IGSF9B: variants seen among roughly 807,000 people sequenced by gnomAD.
The protein encoded by IGSF9B is protein turtle homolog B.
IGSF9B carries 48 observed loss-of-function variants against 143.7 expected under a neutral mutation model. The observed-to-expected ratio is 0.33, with a 90% CI of 0.26 to 0.42. The LOEUF (loss-of-function observed/expected upper bound fraction) is 0.42, where lower values mean the gene tolerates loss of function less well. Among genes scored for constraint, IGSF9B ranks in the 20% least tolerant of loss-of-function variants. IGSF9B has a pLI of 1.00. For missense variants in IGSF9B, 1,706 were observed against 1,980.0 expected (o/e 0.86, Z 2.63); for synonymous variants, 903 against 833.1 (o/e 1.08, Z -1.44).
rs570255238 is a variant in IGSF9B, at chr11:133,947,400, C to T, written c.65-1142G>A. The stretch of plus-strand genomic sequence containing the variant: ...CTACTGCCAGTTGACCACAGCTTTC[C>T]CCAGCCCCAGACCCTTCTGGTCCCA... On this transcript the variant is annotated intron_variant, in intron 1 of 19. Transcript: ENST00000533871. Among the ~76,000 whole-genome samples, 16 of 152,340 alleles carry T rather than the reference C, an allele frequency of 1.1e-4. No homozygotes were observed. In the South Asian group the frequency reaches 3.3e-3, roughly 32 times the overall value.
At chr11:133,918,633 C>T (rs1939442033) in intron 18 of IGSF9B, among the ~76,000 whole-genome samples, 1 of 151,796 alleles carries the variant, frequency 6.6e-6, no homozygotes, top group African/African-American at 2.4e-5. Flanking sequence ...GGGAGGTGAC[C>T]TTGGACTTCC....
Position 133,931,525 on chromosome 11 carries a change from C to T in IGSF9B, c.1296G>A (p.Gln432=). ...FTVLPGWEYR[Q]EAGRELLIPC... is the part of the protein sequence containing the mutation. ...GGATAAGTAGCTCCCGGCCGGCCTC[C>T]TGCCTGTACTCCCAGCCTGGTAGCA... The change falls in exon 10 of 20, where the codon CAG becomes CAA. Residue 432 remains glutamine, a synonymous_variant. Coordinates refer to ENST00000533871, the MANE Select transcript of IGSF9B (RefSeq NM_001277285.4). The surrounding 1 kb of genome is among the most constrained non-coding windows in gnomAD (Gnocchi z 7.7). 6.2e-7 allele frequency: 1 copy of T among 1,613,400 alleles called. No homozygotes were observed. The highest frequency in any genetic ancestry group is 1.7e-5 in the Admixed American group (1 of 60,012).
chr11:133,956,710 G>A lies in IGSF9B; in HGVS notation c.45C>T (p.Thr15=), dbSNP rs1459201639. ...ACTCACCTTCAGCCGCAAGCCCTCG[G>A]GTGCCGATCACACTTGCTATGAAAG... is the stretch of plus-strand genomic sequence containing the variant. The part of the protein sequence containing the change: ...VATFIASVIG[T]RGLAAEGAHG... Residue 15 remains threonine (T), a synonymous_variant, in exon 1 of 20, where the codon ACC becomes ACT. Coordinates refer to ENST00000533871, the MANE Select transcript of IGSF9B (RefSeq NM_001277285.4). 1 of 1,547,594 alleles carries A rather than the reference G, an allele frequency of 6.5e-7. No individual in the cohort carries two copies. The highest frequency in any genetic ancestry group is 8.7e-7 in the Non-Finnish European group (1 of 1,148,728).
In IGSF9B at chr11:133,901,992, T is replaced by TCA. The variant is rs774684363; in HGVS notation, c.*7075_*7076dup. On this transcript the variant is annotated 3_prime_UTR_variant, in exon 20 of 20. Transcript: ENST00000533871. ...ATCACACACATGCACACCAGACACATCACACACACACACACACCAGACATA... is the reference window on the plus strand; with the variant it reads ...ATCACACACATGCACACCAGACACATCACACACACACACACACACCAGACATA... Among the ~76,000 whole-genome samples the TCA allele has an allele frequency of 8.7e-3, 860 of 99,240 alleles. 5 individuals carry two copies. The highest frequency in any genetic ancestry group is 0.01 in the African/African-American group (225 of 21,676). The allele number at this position is 99,240 out of a possible 152,430, so 65.1% of individuals were successfully genotyped here. A position where few individuals can be genotyped will look rare whatever the true frequency, so the allele number is the denominator to read the frequency against.
intron 13 of IGSF9B, 28 bp from the exon 14 acceptor site, chr11:133,925,993 A>G (rs757297196): frequency 1.1e-5 from 17 of 1,503,788 alleles, no homozygotes; most frequent in Non-Finnish European, 1.5e-5. Context: ...GAAGAACCAC[A>G]GCGCATCAGC....
Position 133,903,724 on chromosome 11 carries a change from G to C in IGSF9B, c.*5345C>G, listed in dbSNP as rs1401930618. Among the ~76,000 whole-genome samples, 3 of 152,152 alleles carry C rather than the reference G, an allele frequency of 2.0e-5. No homozygotes were observed. The highest frequency in any genetic ancestry group is 4.4e-5 in the Non-Finnish European group (3 of 68,034). On this transcript the variant is annotated 3_prime_UTR_variant, in exon 20 of 20. Transcript: ENST00000533871. ...GGCAACCCAACACACAGAACATCTGGTGGGGTTATTATACTTGCTCCTGAA... is the reference window on the plus strand; with the variant it reads ...GGCAACCCAACACACAGAACATCTGCTGGGGTTATTATACTTGCTCCTGAA...
chr11:133,953,860 C>G lies in IGSF9B; in HGVS notation c.64+2831G>C, dbSNP rs1402068090. On this transcript the variant is annotated intron_variant, in intron 1 of 19. Coordinates refer to ENST00000533871, the MANE Select transcript of IGSF9B (RefSeq NM_001277285.4). This position sits in a 1 kb window ranked among gnomAD's most constrained non-coding sequence, Gnocchi z 4.2. The stretch of plus-strand genomic sequence containing the variant: ...TGTCTTCCAGGTTCTGGGTACCACT[C>G]CAGCCCCTCTCTTCTCCACACTTCC... Among the ~76,000 whole-genome samples, 1 of 152,166 alleles carries G rather than the reference C, an allele frequency of 6.6e-6. No homozygotes were observed. Among genetic ancestry groups the G allele is most frequent in the Non-Finnish European group, 1.5e-5 (1 of 68,032 alleles).
In IGSF9B at chr11:133,929,752, C is replaced by T. The variant is rs780048209; in HGVS notation, c.1550G>A (p.Arg517Gln). The change falls in exon 12 of 20, where the codon CGG becomes CAG. Residue 517 changes from arginine (R) to glutamine (Q), a missense_variant. By Grantham distance (43) the Arg-to-Gln change is conservative. This residue lies in a region of IGSF9B where 267 missense variants were observed against 321.1 expected (regional missense o/e 0.83). Coordinates refer to ENST00000533871, the MANE Select transcript of IGSF9B (RefSeq NM_001277285.4). ...GGCAGTTGTCATGGAGACCTGGACC[C>T]GGACACTGCCCGGGGCATGGGGGCT... Reference protein sequence around the residue: ...GTSPHAPGSVRVQVSMTTANV... With the variant: ...GTSPHAPGSVQVQVSMTTANV... The T allele has an allele frequency of 9.9e-6, 16 of 1,613,698 alleles. No homozygotes were observed. The highest frequency in any genetic ancestry group is 2.2e-5 in the South Asian group (2 of 91,076).
Position 133,945,336 on chromosome 11 carries a change from G to A in IGSF9B, c.262+725C>T, listed in dbSNP as rs1940026217. Among the ~76,000 whole-genome samples the A allele has an allele frequency of 6.6e-6, 1 of 152,228 alleles. No homozygotes were observed. Among genetic ancestry groups the A allele is most frequent in the African/African-American group, 2.4e-5 (1 of 41,464 alleles). The stretch of plus-strand genomic sequence containing the variant: ...TGGGCACAGGAGCGAAAGAGGGACA[G>A]AGACGGAAGCATTCTGAGAAAGGCA... On this transcript the variant is annotated intron_variant, in intron 2 of 19. Transcript: ENST00000533871. The surrounding 1 kb of genome is among the most constrained non-coding windows in gnomAD (Gnocchi z 4.6).
At chr11:133,916,909 G>A (rs1033897662) in intron 18 of IGSF9B, among the ~76,000 whole-genome samples, 2 of 152,112 alleles carry the variant, frequency 1.3e-5, no homozygotes, top group Admixed American at 6.5e-5. Flanking sequence ...GCTCATAAAC[G>A]CTGCCTGACA....
At chr11:133,932,254 C>T (rs1469231698) in intron 7 of IGSF9B, 41 bp from the exon 8 acceptor site, 3 of 1,492,182 alleles carry the variant, frequency 2.0e-6, no homozygotes, top group Non-Finnish European at 2.6e-6. Flanking sequence ...GACAGACAGA[C>T]ACAGGGACAG....
At chr11:133,930,926 C>T (rs530695182) in intron 11 of IGSF9B, 58 bp downstream of exon 11, 14 of 1,508,362 alleles carry the variant, frequency 9.3e-6, no homozygotes, top group South Asian at 5.2e-5. Flanking sequence ...TCCAGCACCC[C>T]GCCCCCAGCC....
chr11:133,955,194 T>TACAGGCAGACTGTCAAGC (rs1940228398), intron 1 of IGSF9B, among the ~76,000 whole-genome samples: 1 of 152,100 alleles, frequency 6.6e-6, no homozygotes, highest in Non-Finnish European at 1.5e-5. Flanking sequence ...AGGATGAGGC[T>TACAGGCAGACTGTCAAGC]ACAGGCAGAC....
chr11:133,924,125 G>C (rs1939585936), intron 15 of IGSF9B, among the ~76,000 whole-genome samples: 2 of 152,200 alleles, frequency 1.3e-5, no homozygotes, highest in South Asian at 4.1e-4. Context: ...CTGTCACCTG[G>C]TCCCAGGGGA....
In IGSF9B at chr11:133,935,820, C is replaced by CA. The variant is rs2121319182; in HGVS notation, c.822-59dup. The CA allele has an allele frequency of 3.2e-6, 5 of 1,577,798 alleles. 1 individual carries two copies. The South Asian group carries it at 5.8e-5, about 18-fold the overall frequency. ...GAGCAGAAGGGGATCTTGCCGCAGA[C>CA]ACACAGTCACCGTCACTGCCCCAGA... On this transcript the variant is annotated intron_variant, in intron 6 of 19. Transcript: ENST00000533871.
Position 133,922,727 on chromosome 11 carries a change from A to T in IGSF9B, c.2123T>A (p.Ile708Asn). The T allele has an allele frequency of 6.4e-7, 1 of 1,563,282 alleles. No homozygotes were observed. Among genetic ancestry groups the T allele is most frequent in the Non-Finnish European group, 8.6e-7 (1 of 1,156,938 alleles). ...SNIAGVSSTDIFPQPDLTEDG... is the reference protein window; with the variant it reads ...SNIAGVSSTDNFPQPDLTEDG... ...CTCGGTCAGGTCCGGCTGCGGGAAG[A>T]TGTCTGCAGGGAGGGTGGGGAGCAC... Residue 708 changes from isoleucine to asparagine, a missense_variant, in exon 16 of 20, where the codon ATC becomes AAC. Physicochemically the swap from Ile to Asn is moderately radical, Grantham distance 149. Around this residue, in one of 7 missense-constraint regions of IGSF9B, gnomAD observed 267 missense variants for 321.1 expected, o/e 0.83. Coordinates refer to ENST00000533871, the MANE Select transcript of IGSF9B (RefSeq NM_001277285.4).
chr11:133,940,306 G>A (rs1381463938), intron 3 of IGSF9B, among the ~76,000 whole-genome samples: 8 of 129,152 alleles, frequency 6.2e-5, no homozygotes, highest in South Asian at 2.6e-4. Context: ...CCTCGCACGC[G>A]TCATCGCACG....
Position 133,935,128 on chromosome 11 carries a change from G to A in IGSF9B, c.967+489C>T, listed in dbSNP as rs187698935. ...CCACCCAAGGGGAGAGGCCGCGGAC[G>A]CCAGAGGGAGCAGGCGCAGGAGCTG... On this transcript the variant is annotated intron_variant, in intron 7 of 19. Transcript: ENST00000533871. Among the ~76,000 whole-genome samples the A allele has an allele frequency of 5.7e-3, 864 of 152,268 alleles. 7 individuals are homozygous for A. The highest frequency in any genetic ancestry group is 0.019 in the African/African-American group (801 of 41,572).
chr11:133,945,130 T>C lies in IGSF9B; in HGVS notation c.263-764A>G, dbSNP rs1193200551. Among the ~76,000 whole-genome samples the C allele has an allele frequency of 6.6e-6, 1 of 152,128 alleles. No individual in the cohort carries two copies. Among genetic ancestry groups the C allele is most frequent in the Non-Finnish European group, 1.5e-5 (1 of 68,020 alleles). ...AGGAGGCCAGAGGTGCAGAAGCCTC[T>C]TCCATGACGCCAGCAGGGTGGAGCA... On this transcript the variant is annotated intron_variant, in intron 2 of 19. Coordinates refer to ENST00000533871, the MANE Select transcript of IGSF9B (RefSeq NM_001277285.4). The surrounding 1 kb of genome is among the most constrained non-coding windows in gnomAD (Gnocchi z 4.6).
Sources: allele counts gnomAD v4.1 joint callset (sites outside exome capture counted in the v4.1 genomes callset), GRCh38; gene constraint gnomAD v4.1.1; regional missense constraint gnomAD v4.1.1; non-coding constraint Gnocchi (gnomAD v3.1); transcripts MANE v1.5; gene names NCBI Gene and HGNC (gene_info 2026-07-23, HGNC 2026-07-21).